Variants in MFSD2A observed in about 807,000 individuals in gnomAD.
The protein encoded by MFSD2A is MFSD2 lysolipid transporter A, lysophospholipid.
In MFSD2A, 27 loss-of-function variants were observed where a neutral mutation model predicts 64.7. The observed-to-expected ratio is 0.42, with a 90% confidence interval of 0.31 to 0.58. MFSD2A has a LOEUF of 0.58. Ranked by LOEUF, MFSD2A falls within the 20% of genes least tolerant of loss-of-function variation. The pLI is 0.18. For synonymous variants in MFSD2A, 258 were observed against 273.4 expected (o/e 0.94, Z 0.55); for missense variants, 474 against 679.5 (o/e 0.70, Z 3.36).
chr1:39,966,484 G>A, intron 6 of MFSD2A, 117 bp from the exon 7 acceptor site: 1 of 800,302 alleles, frequency 1.2e-6, no homozygotes, highest in Non-Finnish European at 2.1e-6. Context: ...CATGGAGACA[G>A]TACGCTCCCA....
rs1396657623 is a variant in MFSD2A, at chr1:39,968,803, A to T, written c.1529+58A>T. ...GGGACGTCACTGTGTCTAAACCCTC[A>T]ATTTGTGTCTCCTGTGGCCAAGTCC... is the stretch of plus-strand genomic sequence containing the variant. On this transcript the variant is annotated intron_variant, in intron 13 of 13. Transcript: ENST00000372811. This position sits in a 1 kb window ranked among gnomAD's most constrained non-coding sequence, Gnocchi z 4.4. The T allele has an allele frequency of 1.3e-6, 2 of 1,588,764 alleles. No individual in the cohort carries two copies. The highest frequency in any genetic ancestry group is 2.2e-5 in the East Asian group (1 of 44,688).
At position 39,967,791 on chromosome 1, in the gene MFSD2A, C is replaced by A. The variant is rs140915510; in HGVS notation, c.1096-13C>A. 2 of 1,610,452 alleles carry A rather than the reference C, an allele frequency of 1.2e-6. No homozygotes were observed. The highest frequency in any genetic ancestry group is 2.2e-5 in the East Asian group (1 of 44,846). On this transcript the variant is annotated splice_polypyrimidine_tract_variant and intron_variant, in intron 10 of 13. Coordinates refer to ENST00000372811, the MANE Select transcript of MFSD2A (RefSeq NM_032793.5). ...CTCCCAGCTGATTCATCTTCCTGCA[C>A]CCCCTTCCCTAGTCAGCAGTGCCAT...
Position 39,955,512 on chromosome 1 carries a change from C to A in MFSD2A, c.93+127C>A. 1 of 1,023,374 alleles carries A rather than the reference C, an allele frequency of 9.8e-7. No individual in the cohort carries two copies. The allele number at this position is 1,023,374 out of a possible 1,614,324, so 63.4% of individuals were successfully genotyped here. On this transcript the variant is annotated intron_variant, in intron 1 of 13. Transcript: ENST00000372811. The surrounding 1 kb of genome is among the most constrained non-coding windows in gnomAD (Gnocchi z 5.9). ...TAGCCAGGGACAGGAAGCCTACGAG[C>A]CAGAGAGGACCTGGGGGTGCCCTGG...
chr1:39,969,513 C>T lies in MFSD2A; in HGVS notation c.1538C>T (p.Ala513Val). 1 of 1,598,188 alleles carries T rather than the reference C, an allele frequency of 6.3e-7. No homozygotes were observed. Among genetic ancestry groups the T allele is most frequent in the Non-Finnish European group, 8.5e-7 (1 of 1,173,736 alleles). Residue 513 changes from alanine to valine, a missense_variant, in exon 14 of 14, where the codon GCC (alanine) becomes GTC (valine). By Grantham distance (64) the Ala-to-Val change is moderately conservative. Transcript: ENST00000372811. Reference sequence around the variant, plus strand: ...TCCTCTCTCTCTTGCAGGGACGAGGCCAGCAGCTCTGGCTGCTCAGAAACA... The same window carrying T: ...TCCTCTCTCTCTTGCAGGGACGAGGTCAGCAGCTCTGGCTGCTCAGAAACA... Reference protein sequence around the residue: ...KKALQALRDEASSSGCSETDS... With the variant: ...KKALQALRDEVSSSGCSETDS...
At chr1:39,961,910 G>C (rs115180197) in intron 3 of MFSD2A, among the ~76,000 whole-genome samples, 1 of 152,236 alleles carries the variant, frequency 6.6e-6, no homozygotes, top group Non-Finnish European at 1.5e-5. Flanking sequence ...GGCTGCAACA[G>C]CTGGACCTGA....
chr1:39,955,254 T>A lies in MFSD2A; in HGVS notation c.-39T>A. ...CAGCGGCCTGCGGGGCAGAGGAGCATCCCGTCTACCAGGTCCCAAGCGGCG... is the reference window on the plus strand; with the variant it reads ...CAGCGGCCTGCGGGGCAGAGGAGCAACCCGTCTACCAGGTCCCAAGCGGCG... On this transcript the variant is annotated 5_prime_UTR_variant, in exon 1 of 14. Transcript: ENST00000372811. The surrounding 1 kb of genome is among the most constrained non-coding windows in gnomAD (Gnocchi z 5.9). The A allele has an allele frequency of 7.3e-7, 1 of 1,366,214 alleles. No homozygotes were observed. The highest frequency in any genetic ancestry group is 9.5e-7 in the Non-Finnish European group (1 of 1,054,126). The allele number at this position is 1,366,214 out of a possible 1,614,324, so 84.6% of individuals were successfully genotyped here.
chr1:39,955,769 A>C lies in MFSD2A; in HGVS notation c.93+384A>C. ...CCCCATCTCTCATCCCCTACCTCCC[A>C]CTCCACCCACCTACTCTTGCGCCTC... On this transcript the variant is annotated intron_variant, in intron 1 of 13. Coordinates refer to ENST00000372811, the MANE Select transcript of MFSD2A (RefSeq NM_032793.5). The surrounding 1 kb of genome is among the most constrained non-coding windows in gnomAD (Gnocchi z 5.9). 7.0e-6 allele frequency: 3 copies of C among 430,960 alleles called. No homozygotes were observed. The highest frequency in any genetic ancestry group is 2.1e-5 in the African/African-American group (1 of 48,476). 26.7% of individuals were successfully genotyped at this position (430,960 alleles called of 1,614,324 possible). A position where few individuals can be genotyped will look rare whatever the true frequency, so the allele number is the denominator to read the frequency against.
At chr1:39,966,561 A>G (rs760863070) in intron 6 of MFSD2A, 40 bp from the exon 7 acceptor site, 3 of 1,565,092 alleles carry the variant, frequency 1.9e-6, no homozygotes, top group Non-Finnish European at 2.6e-6. Context: ...GGATGAGCTC[A>G]AACTGACCAT....
chr1:39,965,789 A>G lies in MFSD2A; in HGVS notation c.557-68A>G. 1 of 1,594,800 alleles carries G rather than the reference A, an allele frequency of 6.3e-7. No homozygotes were observed. The highest frequency in any genetic ancestry group is 8.6e-7 in the Non-Finnish European group (1 of 1,168,068). On this transcript the variant is annotated intron_variant, in intron 5 of 13. Coordinates refer to ENST00000372811, the MANE Select transcript of MFSD2A (RefSeq NM_032793.5). This position sits in a 1 kb window ranked among gnomAD's most constrained non-coding sequence, Gnocchi z 5.5. The stretch of plus-strand genomic sequence containing the variant: ...TGGAGCTACCGCTGGGCTCCCACCC[A>G]TTTGACCTTCCTCCCTGGGCCCACA...
rs1645141724 is a variant in MFSD2A, at chr1:39,965,558, C to T, written c.556+9C>T. ...TTCTGCCACCGCCTATCGTGAGTCT[C>T]CCCAGCCCACCTGACCCCACCCTCC... On this transcript the variant is annotated intron_variant, in intron 5 of 13. Coordinates refer to ENST00000372811, the MANE Select transcript of MFSD2A (RefSeq NM_032793.5). This position sits in a 1 kb window ranked among gnomAD's most constrained non-coding sequence, Gnocchi z 5.5. 1 of 1,613,840 alleles carries T rather than the reference C, an allele frequency of 6.2e-7. No homozygotes were observed. The highest frequency in any genetic ancestry group is 8.5e-7 in the Non-Finnish European group (1 of 1,179,806).
chr1:39,962,800 C>G (rs1557633978), intron 3 of MFSD2A: 1 of 1,188,654 alleles, frequency 8.4e-7, no homozygotes, highest in Non-Finnish European at 1.2e-6. Context: ...TATCTCTTCT[C>G]TCTGCCCATT....
At chr1:39,957,354 T>C in intron 2 of MFSD2A, 133 bp downstream of exon 2, 1 of 905,568 alleles carries the variant, frequency 1.1e-6, no homozygotes, top group Non-Finnish European at 1.6e-6. Flanking sequence ...TGCCTCTGAG[T>C]CAGTGAGCAA....
intron 3 of MFSD2A, among the ~76,000 whole-genome samples, chr1:39,959,549 G>A (rs1644992072): frequency 6.6e-6 from 1 of 152,070 alleles, no homozygotes; most frequent in Admixed American, 6.6e-5. Context: ...CACCATGCCC[G>A]GCCCCTGTCT....
Position 39,955,787 on chromosome 1 carries a change from T to G in MFSD2A, c.93+402T>G, listed in dbSNP as rs749488845. ...ACCTCCCACTCCACCCACCTACTCT[T>G]GCGCCTCAACTCTGCTGTTAGGGCC... On this transcript the variant is annotated intron_variant, in intron 1 of 13. Transcript: ENST00000372811. This position sits in a 1 kb window ranked among gnomAD's most constrained non-coding sequence, Gnocchi z 5.9. The G allele has an allele frequency of 2.5e-6, 1 of 403,450 alleles. No individual in the cohort carries two copies. The allele number at this position is 403,450 out of a possible 1,614,324, so 25.0% of individuals were successfully genotyped here.
intron 3 of MFSD2A, among the ~76,000 whole-genome samples, chr1:39,962,146 C>T (rs1025439694): frequency 2.0e-5 from 3 of 152,248 alleles, no homozygotes; most frequent in East Asian, 1.9e-4. Context: ...TTTCCACTCC[C>T]GCCTCATCTC....
chr1:39,955,260 C>T lies in MFSD2A; in HGVS notation c.-33C>T, dbSNP rs1047486724. On this transcript the variant is annotated 5_prime_UTR_variant, in exon 1 of 14. Transcript: ENST00000372811. This position sits in a 1 kb window ranked among gnomAD's most constrained non-coding sequence, Gnocchi z 5.9. ...CCTGCGGGGCAGAGGAGCATCCCGT[C>T]TACCAGGTCCCAAGCGGCGTGGCCC... The T allele has an allele frequency of 1.4e-6, 2 of 1,384,974 alleles. No individual in the cohort carries two copies. Among genetic ancestry groups the T allele is most frequent in the South Asian group, 3.6e-5 (2 of 55,330 alleles). The allele number at this position is 1,384,974 out of a possible 1,614,324, so 85.8% of individuals were successfully genotyped here. A position where few individuals can be genotyped will look rare whatever the true frequency, so the allele number is the denominator to read the frequency against.
intron 1 of MFSD2A, among the ~76,000 whole-genome samples, 172 bp from the exon 2 acceptor site, chr1:39,956,915 C>CAAAAAAAAA (rs34385828): frequency 5.7e-5 from 2 of 35,376 alleles, no homozygotes; most frequent in Non-Finnish European, 1.1e-4. Flanking sequence ...GACTCTGTCT[C>CAAAAAAAAA]AAAAAAAAAA....
chr1:39,967,421 G>C (rs1486025344), intron 9 of MFSD2A: 2 of 629,070 alleles, frequency 3.2e-6, no homozygotes, highest in African/African-American at 3.7e-5. Flanking sequence ...TCAGAGGTTT[G>C]AGAGGGCAGC....
intron 11 of MFSD2A, 28 bp downstream of exon 11, chr1:39,967,944 G>A: frequency 7.0e-7 from 1 of 1,426,608 alleles, no homozygotes; most frequent in Non-Finnish European, 9.8e-7. Context: ...CCCCTCCTCG[G>A]GTATCTCCAG....
Sources: allele counts gnomAD v4.1 joint callset (sites outside exome capture counted in the v4.1 genomes callset), GRCh38; gene constraint gnomAD v4.1.1; non-coding constraint Gnocchi (gnomAD v3.1); transcripts MANE v1.5; gene names NCBI Gene and HGNC (gene_info 2026-07-23, HGNC 2026-07-21).